The following GABRA1 variants were observed in gnomAD, a reference collection of about 807,000 sequenced individuals.
The protein encoded by GABRA1 is gamma-aminobutyric acid type A receptor subunit alpha1.
A neutral mutation model predicts 48.9 loss-of-function variants in GABRA1; 9 were observed. The ratio of observed to expected loss-of-function variants is 0.18; its 90% confidence interval spans 0.11 to 0.32. The LOEUF is 0.32. Ranked by LOEUF, GABRA1 falls within the 10% of genes least tolerant of loss-of-function variation. The pLI is 1.00. For synonymous variants in GABRA1, 210 were observed against 198.7 expected, an observed-to-expected ratio of 1.06 and a Z score of -0.48; for missense variants, 285 against 553.8, an observed-to-expected ratio of 0.51 and a Z score of 4.87.
rs1054496355 is a variant in GABRA1, at chr5:161,849,106, C to T, written c.-16+684C>T. On this transcript the variant is annotated intron_variant, in intron 1 of 9. Transcript: ENST00000393943. ...GAAAGTGGTAAGACTGCAGCTTAGC[C>T]TTTCTTTTAAACTATTATGTTTGTA... 1.6e-5 allele frequency: 6 copies of T among 373,526 alleles called. No homozygotes were observed. The Middle Eastern group carries it at 1.1e-3, about 69-fold the overall frequency. The allele number at this position is 373,526 out of a possible 1,614,324, so 23.1% of individuals were successfully genotyped here. A position where few individuals can be genotyped will look rare whatever the true frequency, so the allele number is the denominator to read the frequency against.
upstream of GABRA1, chr5:161,847,582 A>ATTTCCTACCTGCCAGAACTC (rs1757263038): frequency 6.6e-6 from 1 of 152,126 alleles, no homozygotes; most frequent in Admixed American, 6.6e-5. Flanking sequence ...CCAGTAGCCA[A>ATTTCCTACCTGCCAGAACTC]TTTCCTACCT....
At chr5:161,868,306 T>C (rs1206870591) in intron 4 of GABRA1, among the ~76,000 whole-genome samples, 1 of 152,106 alleles carries the variant, frequency 6.6e-6, no homozygotes, top group African/African-American at 2.4e-5. Context: ...GGGTGTACAT[T>C]ATGCATGTAA....
At position 161,884,912 on chromosome 5, in the gene GABRA1, T is replaced by C. The variant is rs150525677; in HGVS notation, c.703+2211T>C. On this transcript the variant is annotated intron_variant, in intron 7 of 9. Transcript: ENST00000393943. Reference sequence around the variant, plus strand: ...AAAATAATGGAGGCCTTCCTCACCTTTGGCTTTCAAGGGATTCAACCTGTC... The same window carrying C: ...AAAATAATGGAGGCCTTCCTCACCTCTGGCTTTCAAGGGATTCAACCTGTC... 1.6e-3 allele frequency among the ~76,000 whole-genome samples: 238 copies of C among 152,216 alleles called. 1 individual carries two copies. Among genetic ancestry groups the C allele is most frequent in the African/African-American group, 5.0e-3 (207 of 41,548 alleles).
intron 6 of GABRA1, among the ~76,000 whole-genome samples, chr5:161,877,008 C>T (rs148850971): frequency 6.6e-6 from 1 of 152,204 alleles, no homozygotes; most frequent in East Asian, 1.9e-4. Context: ...AATCATGGCT[C>T]ACTGCAGGCT....
chr5:161,874,425 G>A (rs369671091), intron 5 of GABRA1, among the ~76,000 whole-genome samples: 6 of 149,778 alleles, frequency 4.0e-5, no homozygotes, highest in African/African-American at 7.5e-5. Context: ...GGACCTATTC[G>A]TAATTGAAAT....
At chr5:161,867,257 C>G (rs982653717) in intron 4 of GABRA1, among the ~76,000 whole-genome samples, 2 of 152,146 alleles carry the variant, frequency 1.3e-5, no homozygotes, top group Non-Finnish European at 2.9e-5. Flanking sequence ...ACACTATTCT[C>G]TCATGGTACT....
At chr5:161,858,234 T>C (rs1459437324) in intron 3 of GABRA1, among the ~76,000 whole-genome samples, 1 of 151,546 alleles carries the variant, frequency 6.6e-6, no homozygotes, top group Non-Finnish European at 1.5e-5. Flanking sequence ...TTGCCCGTAT[T>C]ATAATAAATG....
intron 6 of GABRA1, among the ~76,000 whole-genome samples, chr5:161,878,060 C>T (rs1344004873): frequency 3.9e-5 from 6 of 152,262 alleles, no homozygotes; most frequent in Non-Finnish European, 7.4e-5. Flanking sequence ...GAGACTGTAA[C>T]GTCACGAGAG....
intron 4 of GABRA1, among the ~76,000 whole-genome samples, chr5:161,866,770 T>C (rs1033454313): frequency 6.6e-6 from 1 of 152,146 alleles, no homozygotes; most frequent in Non-Finnish European, 1.5e-5. Context: ...ACTAATATTC[T>C]GTGAAGTGAA....
At chr5:161,868,115 T>A (rs1368524333) in intron 4 of GABRA1, among the ~76,000 whole-genome samples, 1 of 152,052 alleles carries the variant, frequency 6.6e-6, no homozygotes, top group East Asian at 1.9e-4. Context: ...TTCTGAAACT[T>A]TGAGATATAA....
At chr5:161,870,734 T>C (rs905716276) in intron 4 of GABRA1, among the ~76,000 whole-genome samples, 1 of 152,120 alleles carries the variant, frequency 6.6e-6, no homozygotes, top group Non-Finnish European at 1.5e-5. Flanking sequence ...ACTGTGCCCA[T>C]GGGGCAAGGT....
At chr5:161,894,290 T>C (rs1271130846) in intron 8 of GABRA1, among the ~76,000 whole-genome samples, 1 of 152,212 alleles carries the variant, frequency 6.6e-6, no homozygotes, top group African/African-American at 2.4e-5. Context: ...TCAGCAGTTA[T>C]AGAACAGGGA....
At chr5:161,864,149 A>C (rs1757964298) in intron 3 of GABRA1, among the ~76,000 whole-genome samples, 1 of 152,076 alleles carries the variant, frequency 6.6e-6, no homozygotes, top group African/African-American at 2.4e-5. Context: ...GGTAAACTGC[A>C]GATAATTCCT....
chr5:161,888,069 C>T (rs538431587), intron 7 of GABRA1, among the ~76,000 whole-genome samples: 9 of 152,034 alleles, frequency 5.9e-5, no homozygotes, highest in Non-Finnish European at 1.3e-4. Context: ...TTTTGTTTTG[C>T]AATATATCAG....
chr5:161,849,830 A>G (rs557904475), intron 1 of GABRA1, among the ~76,000 whole-genome samples: 39 of 152,270 alleles, frequency 2.6e-4, no homozygotes, highest in African/African-American at 9.1e-4. Context: ...GACTCCACAC[A>G]TAGACTATAT....
intron 6 of GABRA1, among the ~76,000 whole-genome samples, chr5:161,879,000 A>T (rs1225720973): frequency 3.3e-5 from 5 of 152,208 alleles, no homozygotes; most frequent in Admixed American, 3.3e-4. Context: ...AAGTGAAATG[A>T]TAGTGTCAAT....
rs1413267197 is a variant in GABRA1, at chr5:161,848,196, G to A, written c.-242G>A. ...AGAAATCTTTTGTTGTATAGCTGCA[G>A]ATTGGATATTGGGAAGCAAATTTGG... On this transcript the variant is annotated 5_prime_UTR_variant, in exon 1 of 10. Coordinates refer to ENST00000393943, the MANE Select transcript of GABRA1 (RefSeq NM_001127644.2). 1.3e-5 allele frequency: 2 copies of A among 152,178 alleles called. No homozygotes were observed. Among genetic ancestry groups the A allele is most frequent in the African/African-American group, 2.4e-5 (1 of 41,412 alleles). 9.4% of individuals were successfully genotyped at this position (152,178 alleles called of 1,614,324 possible). A position where few individuals can be genotyped will look rare whatever the true frequency, so the allele number is the denominator to read the frequency against.
intron 7 of GABRA1, among the ~76,000 whole-genome samples, chr5:161,890,049 A>AGATTTTAACAATC (rs1554087069): frequency 5.3e-5 from 8 of 152,054 alleles, no homozygotes; most frequent in Non-Finnish European, 1.0e-4. Flanking sequence ...AAGATTTTTA[A>AGATTTTAACAATC]CTGAGAAAGT....
chr5:161,877,876 C>G (rs974885656), intron 6 of GABRA1, among the ~76,000 whole-genome samples: 2 of 152,176 alleles, frequency 1.3e-5, no homozygotes, highest in East Asian at 3.9e-4. Flanking sequence ...TGGCTGACTT[C>G]TATCTCTCCA....
Sources: gnomAD v4.1 joint callset for allele counts (sites outside exome capture counted in the v4.1 genomes callset) on GRCh38, gnomAD v4.1.1 for gene constraint, MANE v1.5 for transcripts, NCBI Gene and HGNC (gene_info 2026-07-23, HGNC 2026-07-21) for gene names.